The following GLRA1 variants were observed in gnomAD, a reference collection of about 807,000 sequenced individuals.
The protein encoded by GLRA1 is glycine receptor alpha 1, also known as glycine receptor subunit alpha-1.
GLRA1 carries 37 observed loss-of-function variants against 48.3 expected under a neutral mutation model. The observed-to-expected ratio is 0.77, with a 90% confidence interval of 0.59 to 1.01. The LOEUF (loss-of-function observed/expected upper bound fraction) is 1.01. GLRA1 is among the 50% of genes least tolerant of loss of function. The probability of loss-of-function intolerance (pLI) is 0.00; values close to 1 mark genes in which losing one functional copy is unlikely to be tolerated. For missense variants in GLRA1, 427 were observed against 571.0 expected, an observed-to-expected ratio of 0.75 and a Z score of 2.57; for synonymous variants, 196 against 210.7, an observed-to-expected ratio of 0.93 and a Z score of 0.60.
chr5:151,884,367 T>C (rs1359115301), intron 3 of GLRA1, among the ~76,000 whole-genome samples: 2 of 152,066 alleles, frequency 1.3e-5, no homozygotes, highest in Non-Finnish European at 2.9e-5. Context: ...AGGCAGAGTT[T>C]GCAGTGAGCC....
intron 3 of GLRA1, among the ~76,000 whole-genome samples, chr5:151,884,427 T>TCAAAACAAAACAAAACAAAACAAAA (rs70976031): frequency 0.088 from 13,138 of 148,678 alleles, 867 homozygotes; most frequent in East Asian, 0.24. Flanking sequence ...AAACTCTGTC[T>TCAAAACAAAACAAAACAAAACAAAA]CAAAACAAAA....
chr5:151,854,013 C>T (rs941217728), intron 6 of GLRA1, among the ~76,000 whole-genome samples: 4 of 151,918 alleles, frequency 2.6e-5, no homozygotes, highest in African/African-American at 7.3e-5. Flanking sequence ...TGCATACCTT[C>T]GATATATGCA....
chr5:151,860,148 C>A, intron 3 of GLRA1, 140 bp from the exon 4 acceptor site: 2 of 705,154 alleles, frequency 2.8e-6, no homozygotes, highest in Admixed American at 4.1e-5. Flanking sequence ...GGGGGTGAGA[C>A]ATAAAAGGTG....
intron 6 of GLRA1, among the ~76,000 whole-genome samples, chr5:151,852,496 C>T (rs1752937974): frequency 6.6e-6 from 1 of 152,180 alleles, no homozygotes; most frequent in Non-Finnish European, 1.5e-5. Context: ...TTGTCTGCTC[C>T]CTGTCTGTGT....
Position 151,851,473 on chromosome 5 carries a change from C to T in GLRA1, c.829G>A (p.Ala277Thr). 1 of 1,613,954 alleles carries T rather than the reference C, an allele frequency of 6.2e-7. No homozygotes were observed. Among genetic ancestry groups the T allele is most frequent in the Non-Finnish European group, 8.5e-7 (1 of 1,179,870 alleles). The stretch of plus-strand genomic sequence containing the variant: ...ATGCCTAGGCCCACACGAGCAGGTG[C>T]AGCATCCATGTTGATCCAGAAGGAG... ...WISFWINMDA[A>T]PARVGLGITT... The change falls in exon 7 of 9, where the codon GCA becomes ACA. Residue 277 changes from alanine to threonine, a missense_variant. By Grantham distance (58) the Ala-to-Thr change is moderately conservative (BLOSUM62 0). Transcript: ENST00000274576.
intron 8 of GLRA1, among the ~76,000 whole-genome samples, chr5:151,823,602 C>T (rs1412388152): frequency 6.6e-6 from 1 of 152,228 alleles, no homozygotes; most frequent in Non-Finnish European, 1.5e-5. Context: ...CTTCCTGCCT[C>T]TACGTTCCCA....
chr5:151,918,017 A>G (rs1179364602), intron 1 of GLRA1, among the ~76,000 whole-genome samples: 1 of 152,212 alleles, frequency 6.6e-6, no homozygotes, highest in Non-Finnish European at 1.5e-5. Flanking sequence ...AAAACAGCCC[A>G]ATTCAAAGGC....
At chr5:151,864,508 A>T (rs1753282635) in intron 3 of GLRA1, among the ~76,000 whole-genome samples, 1 of 152,262 alleles carries the variant, frequency 6.6e-6, no homozygotes. Flanking sequence ...TGCAATCAGC[A>T]TCAGCCTGAG....
rs74542605 is a variant in GLRA1, at chr5:151,924,527, C to G, written c.23G>C (p.Arg8Pro). 653 of 1,604,762 alleles carry G rather than the reference C, an allele frequency of 4.1e-4. 7 individuals are homozygous for G. The East Asian group carries it at 0.014, about 35-fold the overall frequency. Residue 8 changes from arginine (R) to proline (P), a missense_variant, in exon 1 of 9, where the codon CGA (arginine) becomes CCA (proline). By Grantham distance (103) the Arg-to-Pro change is moderately radical. Around this residue, in one of 4 missense-constraint regions of GLRA1, gnomAD observed 271 missense variants for 434.9 expected, o/e 0.62. Transcript: ENST00000274576. MYSFNTL[R>P]LYLWETIVFF... is the part of the protein sequence containing the mutation. ...TACAATGGTCTCCCAAAGGTAGAGT[C>G]GAAGAGTATTGAAGCTGTACATTTT...
At chr5:151,847,265 AC>A (rs1451906599) in intron 7 of GLRA1, among the ~76,000 whole-genome samples, 6 of 152,158 alleles carry the variant, frequency 3.9e-5, no homozygotes, top group African/African-American at 1.4e-4. Flanking sequence ...GCAGAATGTG[AC>A]TCAAACAATA....
chr5:151,828,858 C>T, intron 8 of GLRA1, 63 bp downstream of exon 8: 1 of 1,494,822 alleles, frequency 6.7e-7, no homozygotes. Context: ...CAAGACAATA[C>T]TGCTTAGAAC....
At chr5:151,866,412 A>G (rs1753337467) in intron 3 of GLRA1, among the ~76,000 whole-genome samples, 1 of 151,756 alleles carries the variant, frequency 6.6e-6, no homozygotes, top group Admixed American at 6.6e-5. Context: ...CTCCTAATAA[A>G]CTCCTCTAAA....
At chr5:151,899,380 A>C (rs1754309630) in intron 1 of GLRA1, among the ~76,000 whole-genome samples, 1 of 152,084 alleles carries the variant, frequency 6.6e-6, no homozygotes, top group Non-Finnish European at 1.5e-5. Flanking sequence ...GCCATTTTCA[A>C]ATTGTGTATT....
chr5:151,825,290 GTGT>G (rs757386075), intron 8 of GLRA1, among the ~76,000 whole-genome samples: 26 of 152,226 alleles, frequency 1.7e-4, no homozygotes, highest in African/African-American at 5.5e-4. Flanking sequence ...TGGAGCTGGG[GTGT>G]TGTTCTATTT....
intron 1 of GLRA1, among the ~76,000 whole-genome samples, chr5:151,911,065 A>AGGGCAGAGCAGGACT (rs1231472800): frequency 6.6e-6 from 1 of 152,248 alleles, no homozygotes; most frequent in Admixed American, 6.5e-5. Flanking sequence ...GGGAGAGAAT[A>AGGGCAGAGCAGGACT]GGGCAGAGCA....
chr5:151,849,224 T>TCCTG (rs1752804488), intron 7 of GLRA1, among the ~76,000 whole-genome samples: 1 of 92,670 alleles, frequency 1.1e-5, no homozygotes, highest in African/African-American at 4.9e-5. Context: ...CTTTCTTCCT[T>TCCTG]CCTTCCTTCC....
At chr5:151,887,827 T>C (rs1207912125) in intron 2 of GLRA1, among the ~76,000 whole-genome samples, 1 of 151,934 alleles carries the variant, frequency 6.6e-6, no homozygotes, top group Non-Finnish European at 1.5e-5. Flanking sequence ...AGACCATGGG[T>C]AAGAGTGGTA....
intron 7 of GLRA1, among the ~76,000 whole-genome samples, chr5:151,833,539 C>T (rs1763478781): frequency 6.6e-6 from 1 of 152,120 alleles, no homozygotes; most frequent in Non-Finnish European, 1.5e-5. Flanking sequence ...TCTCAGCTCG[C>T]CAAATCCTCC....
At chr5:151,908,567 A>G (rs1754531778) in intron 1 of GLRA1, among the ~76,000 whole-genome samples, 1 of 152,172 alleles carries the variant, frequency 6.6e-6, no homozygotes, top group African/African-American at 2.4e-5. Flanking sequence ...TCACAGAATG[A>G]GTCCTTGGTG....
Sources: gnomAD v4.1 joint callset for allele counts (sites outside exome capture counted in the v4.1 genomes callset) on GRCh38, gnomAD v4.1.1 for gene constraint, gnomAD v4.1.1 regional missense constraint, MANE v1.5 for transcripts, NCBI Gene and HGNC (gene_info 2026-07-23, HGNC 2026-07-21) for gene names.